Variants in PPP2R2B observed in about 807,000 individuals in gnomAD.
The protein encoded by PPP2R2B is protein phosphatase 2 regulatory subunit Bbeta.
PPP2R2B carries 5 observed loss-of-function variants against 46.0 expected under a neutral mutation model. The ratio of observed to expected loss-of-function variants is 0.11; its 90% CI spans 0.06 to 0.23. The LOEUF (loss-of-function observed/expected upper bound fraction) is 0.23, where lower values mean the gene tolerates loss of function less well. PPP2R2B is among the 10% of genes least tolerant of loss of function. PPP2R2B has a pLI of 1.00. For missense variants in PPP2R2B, 367 were observed against 575.0 expected (o/e 0.64, Z 3.70); for synonymous variants, 215 against 206.7 (o/e 1.04, Z -0.34).
At chr5:147,081,305 G>C (rs996645702) in exon 1 of PPP2R2B, 2 of 1,535,426 alleles carry the variant, frequency 1.3e-6, no homozygotes, top group Admixed American at 3.9e-5. Context: ...CTGAGAGGAC[G>C]GTCAGTCTGC....
intron 2 of PPP2R2B, among the ~76,000 whole-genome samples, chr5:146,740,308 G>A (rs1341108900): frequency 6.6e-6 from 1 of 152,188 alleles, no homozygotes; most frequent in African/African-American, 2.4e-5. Flanking sequence ...TCTTGGAGAT[G>A]ATGGGCAATT....
intron 1 of PPP2R2B, among the ~76,000 whole-genome samples, chr5:146,975,251 C>A (rs1752846886): frequency 6.6e-6 from 1 of 152,112 alleles, no homozygotes. Context: ...TAAGTAAAAT[C>A]ATATAGCATT....
exon 1 of PPP2R2B, chr5:147,055,854 T>C: frequency 6.8e-7 from 1 of 1,479,624 alleles, no homozygotes; most frequent in Non-Finnish European, 8.9e-7. Context: ...GTAGGTTCTT[T>C]CCCAGATTTG....
rs752532854 is a variant in PPP2R2B at position 146,585,145 on chromosome 5, G to A, written c.*4802C>T. The stretch of plus-strand genomic sequence containing the variant: ...AATATCTTAGTAACTCCAGCCCCTT[G>A]TCTAGAACCTGGCTGCCTGACACAT... On this transcript the variant is annotated 3_prime_UTR_variant, in exon 10 of 10. Coordinates refer to ENST00000394411, the MANE Select transcript of PPP2R2B (RefSeq NM_181675.4). 2 of 152,088 alleles carry A rather than the reference G, an allele frequency of 1.3e-5. No individual in the cohort carries two copies. Among genetic ancestry groups the A allele is most frequent in the Non-Finnish European group, 2.9e-5 (2 of 68,016 alleles). The allele number at this position is 152,088 out of a possible 1,614,324, so 9.4% of individuals were successfully genotyped here. A position where few individuals can be genotyped will look rare whatever the true frequency, so the allele number is the denominator to read the frequency against.
intron 2 of PPP2R2B, among the ~76,000 whole-genome samples, chr5:146,774,218 G>T (rs572144265): frequency 6.6e-6 from 1 of 152,310 alleles, no homozygotes; most frequent in South Asian, 2.1e-4. Context: ...ATGGGGTTAA[G>T]AGTTGAGTGA....
At chr5:146,893,950 G>A (rs139115213) in intron 1 of PPP2R2B, among the ~76,000 whole-genome samples, 5 of 151,466 alleles carry the variant, frequency 3.3e-5, no homozygotes, top group Admixed American at 6.6e-5. Context: ...GGAGGCTGAG[G>A]CATGAGAATT....
intron 5 of PPP2R2B, among the ~76,000 whole-genome samples, chr5:146,690,055 C>T (rs1300654277): frequency 2.6e-5 from 4 of 152,220 alleles, no homozygotes; most frequent in Admixed American, 2.6e-4. Flanking sequence ...ATGACCATCC[C>T]ATTTTGGCTT....
At chr5:146,739,383 C>T (rs1414482051) in intron 2 of PPP2R2B, among the ~76,000 whole-genome samples, 1 of 152,086 alleles carries the variant, frequency 6.6e-6, no homozygotes, top group African/African-American at 2.4e-5. Flanking sequence ...GCATTCCAAA[C>T]CCAGTGTTAA....
intron 2 of PPP2R2B, among the ~76,000 whole-genome samples, chr5:146,764,422 A>G (rs1252936562): frequency 6.6e-6 from 1 of 152,144 alleles, no homozygotes; most frequent in Non-Finnish European, 1.5e-5. Flanking sequence ...TTCCTTTCCA[A>G]CTCAAGCAAA....
intron 3 of PPP2R2B, among the ~76,000 whole-genome samples, 176 bp from the exon 4 acceptor site, chr5:146,698,320 ATATATATATATAT>A (rs1779323236): frequency 2.8e-5 from 2 of 71,606 alleles, no homozygotes; most frequent in African/African-American, 6.4e-5. Context: ...AAAAAAAAAT[ATATATATATATAT>A]ATATATATAT....
Position 146,585,937 on chromosome 5 carries a change from C to T in PPP2R2B, c.*4010G>A, listed in dbSNP as rs891106333. The T allele has an allele frequency of 1.3e-5, 2 of 152,170 alleles. No individual in the cohort carries two copies. The highest frequency in any genetic ancestry group is 2.9e-5 in the Non-Finnish European group (2 of 68,044). The allele number at this position is 152,170 out of a possible 1,614,324, so 9.4% of individuals were successfully genotyped here. On this transcript the variant is annotated 3_prime_UTR_variant, in exon 10 of 10. Transcript: ENST00000394411. Reference sequence around the variant, plus strand: ...CCATGGTTACCAGGAGCAGGACCCACGTTTCCTGTCTCCCAGTCTCATCCT... The same window carrying T: ...CCATGGTTACCAGGAGCAGGACCCATGTTTCCTGTCTCCCAGTCTCATCCT...
chr5:146,964,551 A>G (rs2151844010), intron 1 of PPP2R2B, among the ~76,000 whole-genome samples: 1 of 151,932 alleles, frequency 6.6e-6, no homozygotes, highest in East Asian at 1.9e-4. Flanking sequence ...TTTTATACGG[A>G]GTCTTGCTCT....
intron 1 of PPP2R2B, among the ~76,000 whole-genome samples, chr5:147,049,049 G>A (rs1756665166): frequency 6.6e-6 from 1 of 151,882 alleles, no homozygotes; most frequent in Non-Finnish European, 1.5e-5. Context: ...CTGGGGGTGA[G>A]AGGAGAGGCA....
At chr5:146,721,752 A>G (rs1211180510) in intron 2 of PPP2R2B, among the ~76,000 whole-genome samples, 2 of 152,206 alleles carry the variant, frequency 1.3e-5, no homozygotes, top group Non-Finnish European at 2.9e-5. Context: ...TTCACTCAAC[A>G]AACATTTATC....
chr5:147,009,062 A>G (rs1463451201), intron 1 of PPP2R2B, among the ~76,000 whole-genome samples: 2 of 152,202 alleles, frequency 1.3e-5, no homozygotes, highest in East Asian at 1.9e-4. Flanking sequence ...CATTACTTTT[A>G]GAAAGCTCTT....
intron 2 of PPP2R2B, among the ~76,000 whole-genome samples, chr5:146,830,547 T>C (rs1190276750): frequency 6.6e-6 from 1 of 150,826 alleles, no homozygotes. Context: ...TTTTTTGAGA[T>C]GGAGTCTCAC....
intron 2 of PPP2R2B, among the ~76,000 whole-genome samples, chr5:146,730,264 T>C (rs560063342): frequency 6.6e-6 from 1 of 152,342 alleles, no homozygotes; most frequent in South Asian, 2.1e-4. Context: ...TAGCTGGATT[T>C]ATCCAATACC....
chr5:146,842,483 T>C (rs1452617244), intron 2 of PPP2R2B, among the ~76,000 whole-genome samples: 4 of 130,138 alleles, frequency 3.1e-5, no homozygotes, highest in Non-Finnish European at 6.9e-5. Context: ...TCCATGCCCT[T>C]TTTTTTTTTT....
chr5:146,839,836 T>C (rs983024882), intron 2 of PPP2R2B, among the ~76,000 whole-genome samples: 2 of 152,242 alleles, frequency 1.3e-5, no homozygotes, highest in African/African-American at 4.8e-5. Flanking sequence ...GAGAATAGAA[T>C]GCGAAATGTC....
Sources: gnomAD v4.1 joint callset for allele counts (sites outside exome capture counted in the v4.1 genomes callset) on GRCh38, gnomAD v4.1.1 for gene constraint, MANE v1.5 for transcripts, NCBI Gene and HGNC (gene_info 2026-07-23, HGNC 2026-07-21) for gene names.